SP4: variants seen among roughly 807,000 people sequenced by gnomAD.
SP4 encodes the protein transcription factor Sp4.
In SP4, 19 loss-of-function variants were observed where a neutral mutation model predicts 72.8. That is an observed-to-expected ratio of 0.26 (90% CI 0.18 to 0.38). The LOEUF is 0.38. SP4 is among the 10% of genes least tolerant of loss of function. The pLI is 1.00. For missense variants in SP4, 1,008 were observed against 926.3 expected (o/e 1.09, Z -1.14); for synonymous variants, 395 against 333.1 (o/e 1.19, Z -2.02).
Position 21,428,268 on chromosome 7 carries a change from C to T in SP4, c.7+10C>T, listed in dbSNP as rs377124689. The T allele has an allele frequency of 7.5e-7, 1 of 1,332,446 alleles. No homozygotes were observed. Among genetic ancestry groups the T allele is most frequent in the South Asian group, 1.2e-5 (1 of 81,086 alleles). 82.5% of individuals were successfully genotyped at this position (1,332,446 alleles called of 1,614,324 possible). On this transcript the variant is annotated intron_variant, in intron 1 of 5. Coordinates refer to ENST00000222584, the MANE Select transcript of SP4 (RefSeq NM_003112.5). ...TAATGCGGGATGAGCGGTACGTATTCTCCACCCCCCTCAGTCTCCTTCGCC... is the reference window on the plus strand; with the variant it reads ...TAATGCGGGATGAGCGGTACGTATTTTCCACCCCCCTCAGTCTCCTTCGCC...
Position 21,430,080 on chromosome 7 carries a change from C to T in SP4, c.915C>T (p.Thr305=), listed in dbSNP as rs1782784813. The part of the protein sequence containing the change: ...SNGNQLVSTP[T]NTTTSASTMP... ...GGAATCAATTAGTTTCCACACCCAC[C>T]AACACCACTACTTCTGCCAGTACTA... Residue 305 remains threonine, a synonymous_variant, in exon 3 of 6, where the codon ACC becomes ACT. Transcript: ENST00000222584. 6 of 1,614,192 alleles carry T rather than the reference C, an allele frequency of 3.7e-6. No homozygotes were observed. In the African/African-American group the frequency reaches 8.0e-5, roughly 22 times the overall value.
chr7:21,441,232 A>C (rs1440945796), intron 3 of SP4, among the ~76,000 whole-genome samples: 1 of 152,212 alleles, frequency 6.6e-6, no homozygotes. Context: ...TGGGGGTGAC[A>C]GGTGAAGAGT....
chr7:21,428,571 A>T (rs1782707870), intron 1 of SP4, 106 bp from the exon 2 acceptor site: 4 of 1,102,534 alleles, frequency 3.6e-6, no homozygotes, highest in African/African-American at 1.6e-5. Context: ...GGGTTTATGG[A>T]GATTAATGTT....
intron 3 of SP4, among the ~76,000 whole-genome samples, chr7:21,442,101 C>T (rs1288358586): frequency 6.9e-6 from 1 of 145,654 alleles, no homozygotes; most frequent in Non-Finnish European, 1.5e-5. Flanking sequence ...TGCAGTGCCA[C>T]AATCTCGGCT....
intron 5 of SP4, among the ~76,000 whole-genome samples, chr7:21,498,198 A>T: frequency 6.6e-6 from 1 of 152,318 alleles, no homozygotes; most frequent in Non-Finnish European, 1.5e-5. Context: ...AAACTGTAAA[A>T]AATAATACAA....
intron 4 of SP4, among the ~76,000 whole-genome samples, chr7:21,477,697 C>A (rs1784548170): frequency 6.6e-6 from 1 of 152,030 alleles, no homozygotes; most frequent in South Asian, 2.1e-4. Flanking sequence ...CCCGCCACCA[C>A]ACCCGGCTAG....
intron 3 of SP4, among the ~76,000 whole-genome samples, chr7:21,450,632 G>A (rs1005340218): frequency 1.3e-5 from 2 of 152,140 alleles, no homozygotes; most frequent in Non-Finnish European, 2.9e-5. Flanking sequence ...AGAAATTTAG[G>A]TTAAGGAAAT....
intron 4 of SP4, among the ~76,000 whole-genome samples, chr7:21,481,573 A>G (rs1784689450): frequency 6.6e-6 from 1 of 152,112 alleles, no homozygotes; most frequent in African/African-American, 2.4e-5. Context: ...TGCATCTTAC[A>G]CTTTTAACTG....
intron 5 of SP4, 119 bp downstream of exon 5, chr7:21,482,242 T>G (rs191348841): frequency 2.8e-6 from 2 of 719,900 alleles, no homozygotes; most frequent in East Asian, 5.3e-5. Flanking sequence ...GCATTTACTT[T>G]AGCAATTATA....
At chr7:21,484,265 G>A (rs1428601485) in intron 5 of SP4, among the ~76,000 whole-genome samples, 1 of 151,772 alleles carries the variant, frequency 6.6e-6, no homozygotes, top group African/African-American at 2.4e-5. Context: ...CAATACTTCG[G>A]GGATTCATTT....
rs886454649 is a variant in SP4 at position 21,486,976 on chromosome 7, A to G, written c.2107+4853A>G. ...TTCCTCAGTGGATCTTGCCTGCAGC[A>G]GTTATTACTGTGATGTTTGAAAGGT... On this transcript the variant is annotated intron_variant, in intron 5 of 5. Transcript: ENST00000222584. Among the ~76,000 whole-genome samples, 4 of 152,324 alleles carry G rather than the reference A, an allele frequency of 2.6e-5. No individual in the cohort carries two copies. The East Asian group carries it at 5.8e-4, about 22-fold the overall frequency.
In SP4 at chr7:21,428,176, T is replaced by TCCAGCCCCCCCCCCCC; in HGVS notation, c.-74_-73insAGCCCCCCCCCCCCCC. ...ACCGCGGGCGGGCGGGACCGGCCTCTCCTCCCGCCTCGCCCCCACCCCCAC... is the reference window on the plus strand; with the variant it reads ...ACCGCGGGCGGGCGGGACCGGCCTCTCCAGCCCCCCCCCCCCCCTCCCGCCTCGCCCCCACCCCCAC... On this transcript the variant is annotated 5_prime_UTR_variant, in exon 1 of 6. Transcript: ENST00000222584. 7.0e-6 allele frequency: 5 copies of TCCAGCCCCCCCCCCCC among 718,772 alleles called. No homozygotes were observed. The highest frequency in any genetic ancestry group is 6.0e-5 in the East Asian group (2 of 33,530). The allele number at this position is 718,772 out of a possible 1,614,324, so 44.5% of individuals were successfully genotyped here.
intron 3 of SP4, among the ~76,000 whole-genome samples, chr7:21,434,643 T>C (rs1013620823): frequency 2.0e-5 from 3 of 152,194 alleles, no homozygotes; most frequent in African/African-American, 4.8e-5. Context: ...GGGGTACAAG[T>C]GCGGTTGTGT....
chr7:21,500,184 A>G (rs1022263163), intron 5 of SP4, among the ~76,000 whole-genome samples: 3 of 152,226 alleles, frequency 2.0e-5, no homozygotes, highest in Admixed American at 6.5e-5. Flanking sequence ...TTCTTGGGAT[A>G]CATTGAGATT....
intron 3 of SP4, among the ~76,000 whole-genome samples, chr7:21,440,851 AAACAACAAC>A (rs779338567): frequency 1.6e-4 from 22 of 138,608 alleles, no homozygotes; most frequent in South Asian, 7.2e-4. Flanking sequence ...CCCTGTCTCA[AAACAACAAC>A]AACAACAACA....
At chr7:21,497,914 C>T (rs1255507651) in intron 5 of SP4, among the ~76,000 whole-genome samples, 2 of 152,190 alleles carry the variant, frequency 1.3e-5, no homozygotes, top group African/African-American at 4.8e-5. Flanking sequence ...TCTCAAATCT[C>T]AACCAGTTTC....
At chr7:21,464,601 G>C (rs1453360722) in intron 3 of SP4, among the ~76,000 whole-genome samples, 1 of 143,442 alleles carries the variant, frequency 7.0e-6, no homozygotes, top group Non-Finnish European at 1.5e-5. Context: ...TTTTTTTAGA[G>C]ATGGGGTCTT....
intron 3 of SP4, among the ~76,000 whole-genome samples, chr7:21,446,258 C>A (rs529058599): frequency 6.6e-6 from 1 of 152,244 alleles, no homozygotes; most frequent in South Asian, 2.1e-4. Flanking sequence ...CCTATCCTTA[C>A]CCTAAGCCAC....
At chr7:21,428,650 T>C (rs1583364188) in intron 1 of SP4, 27 bp from the exon 2 acceptor site, 1 of 1,501,952 alleles carries the variant, frequency 6.7e-7, no homozygotes, top group East Asian at 2.5e-5. Context: ...TGTTGTCGTG[T>C]GTGTGTGGTG....
Sources: allele counts gnomAD v4.1 joint callset (sites outside exome capture counted in the v4.1 genomes callset), GRCh38; gene constraint gnomAD v4.1.1; transcripts MANE v1.5; gene names NCBI Gene and HGNC (gene_info 2026-07-23, HGNC 2026-07-21).